The following CPA3 variants were observed in gnomAD, a reference collection of about 807,000 sequenced individuals.
CPA3 encodes mast cell carboxypeptidase A.
In CPA3, 52 loss-of-function variants were observed where a neutral mutation model predicts 55.8. That is an observed-to-expected ratio of 0.93 (90% CI 0.75 to 1.17). The LOEUF is 1.17. CPA3 is among the 50% of genes most tolerant of loss of function. CPA3 has a pLI of 0.00. For missense variants in CPA3, 547 were observed against 509.1 expected, an observed-to-expected ratio of 1.07 and a Z score of -0.72; for synonymous variants, 179 against 171.2, an observed-to-expected ratio of 1.05 and a Z score of -0.36.
intron 2 of CPA3, among the ~76,000 whole-genome samples, chr3:148,867,957 G>A (rs955192668): frequency 1.3e-5 from 2 of 152,142 alleles, no homozygotes; most frequent in Non-Finnish European, 2.9e-5. Context: ...GTGCAATAGC[G>A]AGATCTCGGC....
intron 3 of CPA3, among the ~76,000 whole-genome samples, chr3:148,875,970 C>G (rs1407580161): frequency 1.3e-5 from 2 of 151,350 alleles, no homozygotes; most frequent in African/African-American, 2.4e-5. Flanking sequence ...TTTTCCAATG[C>G]AAAACAGCAA....
intron 3 of CPA3, among the ~76,000 whole-genome samples, chr3:148,871,888 T>C (rs1304458923): frequency 6.6e-6 from 1 of 152,218 alleles, no homozygotes; most frequent in East Asian, 1.9e-4. Context: ...ATAATTTTAT[T>C]TGCATATTAA....
chr3:148,865,691 T>C, intron 2 of CPA3, 143 bp downstream of exon 2: 1 of 741,204 alleles, frequency 1.3e-6, no homozygotes, highest in Admixed American at 2.9e-5. Context: ...ATTCAGCCAA[T>C]GGCCAATACT....
intron 10 of CPA3, among the ~76,000 whole-genome samples, chr3:148,887,998 T>C (rs889707297): frequency 2.6e-5 from 4 of 152,216 alleles, no homozygotes; most frequent in African/African-American, 9.6e-5. Context: ...GCATTAAGAC[T>C]ACCATTTAAC....
At chr3:148,881,658 C>T in intron 7 of CPA3, 26 bp downstream of exon 7, 1 of 1,453,960 alleles carries the variant, frequency 6.9e-7, no homozygotes, top group Non-Finnish European at 9.6e-7. Context: ...CTCTTGTTTG[C>T]ATTTAGATAT....
chr3:148,891,072 C>T (rs552637689), intron 10 of CPA3, among the ~76,000 whole-genome samples: 3 of 152,220 alleles, frequency 2.0e-5, no homozygotes, highest in African/African-American at 4.8e-5. Flanking sequence ...AATCCTGATT[C>T]GACCATCTAC....
At chr3:148,886,279 T>C in intron 10 of CPA3, 102 bp downstream of exon 10, 1 of 735,998 alleles carries the variant, frequency 1.4e-6, no homozygotes, top group Non-Finnish European at 2.2e-6. Context: ...GCATCTGGAA[T>C]TGCTAATTTA....
chr3:148,872,031 C>T (rs1327991267), intron 3 of CPA3, among the ~76,000 whole-genome samples: 1 of 151,978 alleles, frequency 6.6e-6, no homozygotes, highest in African/African-American at 2.4e-5. Flanking sequence ...TACTTACACA[C>T]CCTTCATTAG....
At chr3:148,871,725 A>C (rs773698098) in intron 3 of CPA3, among the ~76,000 whole-genome samples, 5 of 152,244 alleles carry the variant, frequency 3.3e-5, no homozygotes, top group Admixed American at 6.5e-5. Flanking sequence ...TTATCAAATT[A>C]AAACATGAAT....
rs761007394 is a variant in CPA3 at position 148,865,606 on chromosome 3, C to T, written c.144+58C>T. 4.3e-4 allele frequency: 624 copies of T among 1,434,650 alleles called. 4 individuals are homozygous for T. In the Middle Eastern group the frequency reaches 0.016, roughly 37 times the overall value. The allele number at this position is 1,434,650 out of a possible 1,614,324, so 88.9% of individuals were successfully genotyped here. A position where few individuals can be genotyped will look rare whatever the true frequency, so the allele number is the denominator to read the frequency against. On this transcript the variant is annotated intron_variant, in intron 2 of 10. Coordinates refer to ENST00000296046, the MANE Select transcript of CPA3 (RefSeq NM_001870.4). ...TACTGTTCTCTAAAAGATGCTTCTT[C>T]TTATTTTACTGTCAATGCCCATGGG...
chr3:148,874,666 C>G (rs1714162384), intron 3 of CPA3, among the ~76,000 whole-genome samples: 1 of 152,098 alleles, frequency 6.6e-6, no homozygotes, highest in Admixed American at 6.6e-5. Flanking sequence ...AGTACTTGGT[C>G]CCATGTGCTA....
intron 10 of CPA3, among the ~76,000 whole-genome samples, chr3:148,887,890 G>C (rs965970250): frequency 6.6e-6 from 1 of 152,098 alleles, no homozygotes; most frequent in Non-Finnish European, 1.5e-5. Context: ...ATGGTGTCCT[G>C]GCTTATTCAA....
intron 10 of CPA3, among the ~76,000 whole-genome samples, chr3:148,886,657 G>T (rs6772093): frequency 0.97 from 147,258 of 152,288 alleles, 71,229 homozygotes; most frequent in African/African-American, 0.99. Context: ...ATCGTGCCAC[G>T]GCACTCCAGC....
chr3:148,894,074 G>A (rs934286444), intron 10 of CPA3, among the ~76,000 whole-genome samples: 11 of 152,290 alleles, frequency 7.2e-5, no homozygotes, highest in African/African-American at 2.6e-4. Flanking sequence ...GAACTGCAGA[G>A]AGGAAGGAAG....
rs777834773 is a variant in CPA3 at position 148,865,489 on chromosome 3, G to T, written c.85G>T (p.Val29Leu). ...VRFDREKVFR[V>L]KPQDEKQADI... Reference sequence around the variant, plus strand: ...TCCACAAAGGGAGAAGGTGTTCCGCGTGAAGCCCCAGGATGAAAAACAAGC... The same window carrying T: ...TCCACAAAGGGAGAAGGTGTTCCGCTTGAAGCCCCAGGATGAAAAACAAGC... Residue 29 changes from valine (V) to leucine (L), a missense_variant, in exon 2 of 11, where the codon GTG becomes TTG. Physicochemically the swap from Val to Leu is conservative, Grantham distance 32. Coordinates refer to ENST00000296046, the MANE Select transcript of CPA3 (RefSeq NM_001870.4). 2 of 1,613,668 alleles carry T rather than the reference G, an allele frequency of 1.2e-6. No individual in the cohort carries two copies. Among genetic ancestry groups the T allele is most frequent in the South Asian group, 2.2e-5 (2 of 91,048 alleles).
In CPA3 at chr3:148,882,527, G is replaced by A. The variant is rs374150898; in HGVS notation, c.710G>A (p.Arg237His). Residue 237 changes from arginine (R) to histidine (H), a missense_variant, in exon 8 of 11, where the codon CGT becomes CAT. Physicochemically the swap from Arg to His is conservative, Grantham distance 29. Coordinates refer to ENST00000296046, the MANE Select transcript of CPA3 (RefSeq NM_001870.4). ...WTKNRMWRKNRSKNQNSKCIG... is the reference protein window; with the variant it reads ...WTKNRMWRKNHSKNQNSKCIG... ...CAGAACCGCATGTGGAGAAAAAATC[G>A]TTCCAAGAACCAAAACTCCAAATGC... 9.0e-5 allele frequency: 145 copies of A among 1,613,624 alleles called. 1 individual carries two copies. The South Asian group carries it at 1.4e-3, about 15-fold the overall frequency.
rs894407769 is a variant in CPA3, at chr3:148,896,732, G to A, written c.*25G>A. The A allele has an allele frequency of 4.8e-6, 7 of 1,452,496 alleles. No homozygotes were observed. The African/African-American group carries it at 5.6e-5, about 12-fold the overall frequency. 90.0% of individuals were successfully genotyped at this position (1,452,496 alleles called of 1,614,324 possible). A position where few individuals can be genotyped will look rare whatever the true frequency, so the allele number is the denominator to read the frequency against. ...AAGAACTGCCCTCTGTTTGGAATAA[G>A]CCAATTAATCCTTTTTTGTGCCTTT... On this transcript the variant is annotated 3_prime_UTR_variant, in exon 11 of 11. Coordinates refer to ENST00000296046, the MANE Select transcript of CPA3 (RefSeq NM_001870.4).
chr3:148,894,921 G>C (rs769130729), intron 10 of CPA3, among the ~76,000 whole-genome samples: 82 of 152,104 alleles, frequency 5.4e-4, no homozygotes, highest in Non-Finnish European at 9.4e-4. Context: ...CCATCCCAAT[G>C]CTCTCTGAGT....
chr3:148,892,177 T>G (rs150921597), intron 10 of CPA3, among the ~76,000 whole-genome samples: 100 of 152,248 alleles, frequency 6.6e-4, no homozygotes, highest in African/African-American at 2.0e-3. Flanking sequence ...GGGTACAATA[T>G]ATGGATACTT....
Sources: allele counts gnomAD v4.1 joint callset (sites outside exome capture counted in the v4.1 genomes callset), GRCh38; gene constraint gnomAD v4.1.1; transcripts MANE v1.5; gene names NCBI Gene and HGNC (gene_info 2026-07-23, HGNC 2026-07-21).